Variants in NLGN1 observed in about 807,000 individuals in gnomAD.
NLGN1 encodes neuroligin-1.
NLGN1 carries 12 observed loss-of-function variants against 65.5 expected under a neutral mutation model. The observed-to-expected ratio is 0.18, with a 90% CI of 0.12 to 0.30. The LOEUF is 0.30. Ranked by LOEUF, NLGN1 falls within the 10% of genes least tolerant of loss-of-function variation. NLGN1 has a pLI of 1.00. For missense variants in NLGN1, 750 were observed against 1,007.1 expected, an observed-to-expected ratio of 0.74 and a Z score of 3.46; for synonymous variants, 350 against 359.5, an observed-to-expected ratio of 0.97 and a Z score of 0.30.
At chr3:173,487,438 C>T (rs1482393714) in intron 2 of NLGN1, among the ~76,000 whole-genome samples, 1 of 151,838 alleles carries the variant, frequency 6.6e-6, no homozygotes, top group African/African-American at 2.4e-5. Context: ...AATATTGATT[C>T]ACTGACTGTT....
intron 3 of NLGN1, among the ~76,000 whole-genome samples, chr3:173,659,984 T>C (rs1389786372): frequency 3.9e-5 from 6 of 152,020 alleles, no homozygotes; most frequent in African/African-American, 1.4e-4. Context: ...ATACTTGTCC[T>C]TAACTGGCAG....
chr3:173,783,011 A>AATAT (rs1560361057), intron 3 of NLGN1, among the ~76,000 whole-genome samples: 1 of 151,734 alleles, frequency 6.6e-6, no homozygotes, highest in African/African-American at 2.4e-5. Context: ...AGAGGGAATA[A>AATAT]ATATATATGT....
At chr3:173,942,629 G>A (rs945555059) in intron 4 of NLGN1, among the ~76,000 whole-genome samples, 1 of 152,048 alleles carries the variant, frequency 6.6e-6, no homozygotes, top group Non-Finnish European at 1.5e-5. Flanking sequence ...AGACCAAAAT[G>A]CAACCAAAAA....
chr3:173,624,997 T>C (rs905190284), intron 3 of NLGN1, among the ~76,000 whole-genome samples: 3 of 152,126 alleles, frequency 2.0e-5, no homozygotes, highest in Non-Finnish European at 4.4e-5. Flanking sequence ...GTCAGACAGA[T>C]GTGGAGAATG....
chr3:173,653,749 T>G (rs1315598506), intron 3 of NLGN1, among the ~76,000 whole-genome samples: 2 of 152,156 alleles, frequency 1.3e-5, no homozygotes, highest in Non-Finnish European at 2.9e-5. Context: ...TATTGGAGTG[T>G]AGAAGTGACA....
intron 4 of NLGN1, among the ~76,000 whole-genome samples, chr3:173,992,184 G>T (rs1721257845): frequency 6.6e-6 from 1 of 151,944 alleles, no homozygotes; most frequent in South Asian, 2.1e-4. Flanking sequence ...CAGATTTATT[G>T]TTACCCGCAC....
In NLGN1 at chr3:173,892,369, T is replaced by C. The variant is rs146339395; in HGVS notation, c.646+84537T>C. Reference sequence around the variant, plus strand: ...AGATATGTTGTGACCTTCGTAAATGTAGGTTGGGAGGAACAAAACATTATT... The same window carrying C: ...AGATATGTTGTGACCTTCGTAAATGCAGGTTGGGAGGAACAAAACATTATT... On this transcript the variant is annotated intron_variant, in intron 4 of 6. Coordinates refer to ENST00000457714, the Ensembl canonical transcript of NLGN1. Among the ~76,000 whole-genome samples the C allele has an allele frequency of 3.0e-4, 46 of 152,124 alleles. No individual in the cohort carries two copies. In the East Asian group the frequency reaches 8.1e-3, roughly 27 times the overall value.
At chr3:173,842,254 G>A (rs181931440) in intron 4 of NLGN1, among the ~76,000 whole-genome samples, 2 of 152,170 alleles carry the variant, frequency 1.3e-5, no homozygotes, top group Non-Finnish European at 2.9e-5. Context: ...CCCATGACAT[G>A]TGGGAAGTGT....
chr3:173,446,777 C>T (rs1424603609), intron 2 of NLGN1, among the ~76,000 whole-genome samples: 1 of 152,176 alleles, frequency 6.6e-6, no homozygotes, highest in Non-Finnish European at 1.5e-5. Context: ...GAGATGGGAT[C>T]TCATTGTGGT....
At chr3:174,066,960 A>G (rs1421129340) in intron 4 of NLGN1, among the ~76,000 whole-genome samples, 1 of 152,150 alleles carries the variant, frequency 6.6e-6, no homozygotes, top group Non-Finnish European at 1.5e-5. Flanking sequence ...ATAAAAAATA[A>G]CATCAACACA....
At chr3:173,551,137 G>A (rs1740787050) in intron 2 of NLGN1, among the ~76,000 whole-genome samples, 1 of 152,096 alleles carries the variant, frequency 6.6e-6, no homozygotes, top group Non-Finnish European at 1.5e-5. Context: ...AGATTAAGTT[G>A]GACTGGAGTT....
intron 4 of NLGN1, among the ~76,000 whole-genome samples, chr3:174,193,917 A>T (rs1732867822): frequency 6.6e-6 from 1 of 152,160 alleles, no homozygotes; most frequent in Non-Finnish European, 1.5e-5. Flanking sequence ...TTTTATTTTT[A>T]AAAATTAATT....
At chr3:173,652,942 C>A (rs1759439068) in intron 3 of NLGN1, among the ~76,000 whole-genome samples, 1 of 151,906 alleles carries the variant, frequency 6.6e-6, no homozygotes, top group Non-Finnish European at 1.5e-5. Context: ...TTGTAGCTTC[C>A]CTTGTAGAGA....
chr3:173,827,928 C>A (rs974544582), intron 4 of NLGN1, among the ~76,000 whole-genome samples: 10 of 151,970 alleles, frequency 6.6e-5, no homozygotes, highest in Non-Finnish European at 1.2e-4. Context: ...TTGGTGAGGG[C>A]AGATCTTCCT....
At chr3:173,805,474 A>G (rs1452548333) in intron 3 of NLGN1, among the ~76,000 whole-genome samples, 1 of 152,220 alleles carries the variant, frequency 6.6e-6, no homozygotes, top group Non-Finnish European at 1.5e-5. Context: ...AATAGCTCCT[A>G]GAATCTATTG....
chr3:174,050,159 T>C (rs1477325998), intron 4 of NLGN1, among the ~76,000 whole-genome samples: 1 of 152,108 alleles, frequency 6.6e-6, no homozygotes, highest in African/African-American at 2.4e-5. Context: ...ACAAATGCAT[T>C]ATAGAATAAT....
intron 3 of NLGN1, among the ~76,000 whole-genome samples, chr3:173,654,253 C>G (rs1316567257): frequency 6.6e-6 from 1 of 151,886 alleles, no homozygotes; most frequent in African/African-American, 2.4e-5. Flanking sequence ...ATTTTTCTAC[C>G]CTATTCTATT....
intron 4 of NLGN1, among the ~76,000 whole-genome samples, chr3:174,219,981 G>A (rs1452380789): frequency 2.0e-5 from 3 of 152,094 alleles, no homozygotes; most frequent in African/African-American, 7.2e-5. Context: ...CAAAAAATAA[G>A]TTAGAGAATA....
At chr3:174,035,396 A>G (rs1451786629) in intron 4 of NLGN1, among the ~76,000 whole-genome samples, 1 of 152,186 alleles carries the variant, frequency 6.6e-6, no homozygotes, top group East Asian at 1.9e-4. Context: ...CAGGTAGGCA[A>G]GAGACTCAGG....
Sources: allele counts gnomAD v4.1 joint callset (sites outside exome capture counted in the v4.1 genomes callset), GRCh38; gene constraint gnomAD v4.1.1; transcripts MANE v1.5; gene names NCBI Gene and HGNC (gene_info 2026-07-23, HGNC 2026-07-21).